Variants in ZFHX3 observed in about 807,000 individuals in gnomAD.
ZFHX3 encodes the protein zinc finger homeobox protein 3.
A neutral mutation model predicts 279.1 loss-of-function variants in ZFHX3; 42 were observed. The observed-to-expected ratio is 0.15, with a 90% CI of 0.12 to 0.19. ZFHX3 has a LOEUF of 0.19. Among genes scored for constraint, ZFHX3 ranks in the 10% least tolerant of loss-of-function variants. ZFHX3 has a pLI of 1.00. For missense variants in ZFHX3, 4,981 were observed against 4,754.0 expected, an observed-to-expected ratio of 1.05 and a Z score of -1.40; for synonymous variants, 2,293 against 1,957.8, an observed-to-expected ratio of 1.17 and a Z score of -4.52.
intron 3 of ZFHX3, chr16:73,401,543 G>T (rs541473335): frequency 5.9e-5 from 9 of 152,012 alleles, no homozygotes; most frequent in Admixed American, 1.3e-4. Flanking sequence ...TGCAGCATTT[G>T]GATGGACACG....
chr16:73,287,081 G>A (rs1219665829), intron 4 of ZFHX3, among the ~76,000 whole-genome samples: 5 of 149,774 alleles, frequency 3.3e-5, no homozygotes, highest in African/African-American at 4.9e-5. Flanking sequence ...TGGCTGTGTG[G>A]GTGTGTGGGT....
intron 1 of ZFHX3, among the ~76,000 whole-genome samples, chr16:73,785,621 G>T (rs1268286829): frequency 6.6e-6 from 1 of 152,024 alleles, no homozygotes. Context: ...CGGTATAAAG[G>T]TGGGGTGGTG....
chr16:72,824,861 T>C (rs1409934574), intron 5 of ZFHX3, among the ~76,000 whole-genome samples: 1 of 152,246 alleles, frequency 6.6e-6, no homozygotes, highest in African/African-American at 2.4e-5. Flanking sequence ...AAATCTATTC[T>C]GGTAAAAGAG....
intron 1 of ZFHX3, among the ~76,000 whole-genome samples, chr16:73,034,730 C>T (rs977137576): frequency 2.6e-5 from 4 of 152,194 alleles, no homozygotes; most frequent in Non-Finnish European, 4.4e-5. Flanking sequence ...GGAGGTGGCC[C>T]GTGCCTTGCT....
intron 4 of ZFHX3, among the ~76,000 whole-genome samples, chr16:73,275,658 TGTC>T (rs1423751927): frequency 6.6e-6 from 1 of 152,214 alleles, no homozygotes; most frequent in Non-Finnish European, 1.5e-5. Context: ...ATGTTTATAC[TGTC>T]GTCTATTGAG....
At chr16:73,533,250 A>T (rs1597372269) in intron 2 of ZFHX3, among the ~76,000 whole-genome samples, 1 of 151,856 alleles carries the variant, frequency 6.6e-6, no homozygotes. Flanking sequence ...ACCAAGAAAA[A>T]TGAAGGATTC....
intron 1 of ZFHX3, among the ~76,000 whole-genome samples, chr16:73,696,040 CAAA>C (rs1947880422): frequency 6.6e-6 from 1 of 152,192 alleles, no homozygotes; most frequent in Non-Finnish European, 1.5e-5. Flanking sequence ...AATTGCAGCT[CAAA>C]CCCACTGGGG....
At chr16:73,501,912 G>A (rs2019245945) in intron 2 of ZFHX3, among the ~76,000 whole-genome samples, 2 of 152,230 alleles carry the variant, frequency 1.3e-5, no homozygotes, top group African/African-American at 4.8e-5. Flanking sequence ...CTCTGGGGAA[G>A]GACTTTGCAG....
At chr16:73,878,851 A>G (rs1189919072) in intron 1 of ZFHX3, among the ~76,000 whole-genome samples, 2 of 151,788 alleles carry the variant, frequency 1.3e-5, no homozygotes, top group Non-Finnish European at 2.9e-5. Flanking sequence ...GTTCAACGTC[A>G]CTTGAAACAG....
intron 4 of ZFHX3, among the ~76,000 whole-genome samples, chr16:72,840,039 T>A (rs1328382503): frequency 6.6e-6 from 1 of 152,038 alleles, no homozygotes; most frequent in Admixed American, 6.6e-5. Context: ...TTAAAAAATT[T>A]AACAGTTTCC....
At chr16:73,876,488 G>T (rs2029951231) in intron 1 of ZFHX3, among the ~76,000 whole-genome samples, 1 of 152,158 alleles carries the variant, frequency 6.6e-6, no homozygotes. Flanking sequence ...CACATATGGG[G>T]TATATGTGTG....
At chr16:73,555,287 T>C (rs548201680) in intron 2 of ZFHX3, among the ~76,000 whole-genome samples, 149 of 152,108 alleles carry the variant, frequency 9.8e-4, no homozygotes, top group African/African-American at 3.2e-3. Context: ...GCCGAATAGC[T>C]GGGACTACAG....
At chr16:73,567,162 A>C (rs1216050329) in intron 2 of ZFHX3, among the ~76,000 whole-genome samples, 1 of 152,118 alleles carries the variant, frequency 6.6e-6, no homozygotes, top group East Asian at 1.9e-4. Flanking sequence ...TTTGTTTTTT[A>C]ATAAGAACAC....
intron 3 of ZFHX3, among the ~76,000 whole-genome samples, chr16:73,382,136 G>C (rs2016827592): frequency 6.6e-6 from 1 of 152,194 alleles, no homozygotes; most frequent in Non-Finnish European, 1.5e-5. Context: ...ATAAATTCCA[G>C]ATGGAGCAAG....
intron 3 of ZFHX3, among the ~76,000 whole-genome samples, chr16:73,435,786 C>A (rs1353437571): frequency 6.6e-6 from 1 of 152,202 alleles, no homozygotes; most frequent in Non-Finnish European, 1.5e-5. Flanking sequence ...CAGGTACTCA[C>A]CAATGAGTCA....
chr16:73,823,347 G>C (rs2142351083), intron 1 of ZFHX3, among the ~76,000 whole-genome samples: 1 of 152,202 alleles, frequency 6.6e-6, no homozygotes, highest in African/African-American at 2.4e-5. Context: ...AGAGAGACAA[G>C]ATAGAGACAC....
At chr16:73,567,906 G>A (rs1439423791) in intron 2 of ZFHX3, among the ~76,000 whole-genome samples, 3 of 152,104 alleles carry the variant, frequency 2.0e-5, no homozygotes, top group African/African-American at 4.8e-5. Context: ...GTAAACCAAT[G>A]TACTAAGCAA....
chr16:73,169,039 T>TG (rs1010038462), intron 5 of ZFHX3, among the ~76,000 whole-genome samples: 2 of 152,314 alleles, frequency 1.3e-5, no homozygotes, highest in African/African-American at 4.8e-5. Flanking sequence ...TAGAATCCTA[T>TG]CTTTGAGAAA....
intron 5 of ZFHX3, among the ~76,000 whole-genome samples, chr16:73,199,891 TG>T (rs1385126088): frequency 5.3e-5 from 8 of 152,356 alleles, no homozygotes; most frequent in African/African-American, 1.9e-4. Context: ...TTTTATAGAT[TG>T]GCAGTTCTTA....
Sources: gnomAD v4.1 joint callset for allele counts (sites outside exome capture counted in the v4.1 genomes callset) on GRCh38, gnomAD v4.1.1 for gene constraint, MANE v1.5 for transcripts, NCBI Gene and HGNC (gene_info 2026-07-23, HGNC 2026-07-21) for gene names.